Variants in OSBPL5 observed in about 807,000 individuals in gnomAD.
OSBPL5 encodes oxysterol binding protein like 5, also known as oxysterol-binding protein-related protein 5.
OSBPL5 carries 71 observed loss-of-function variants against 111.2 expected under a neutral mutation model. The observed-to-expected ratio is 0.64, with a 90% CI of 0.53 to 0.78. The LOEUF is 0.78. Ranked by LOEUF, OSBPL5 falls within the 30% of genes least tolerant of loss-of-function variation. The pLI is 0.00. For missense variants in OSBPL5, 1,210 were observed against 1,189.3 expected (o/e 1.02, Z -0.26); for synonymous variants, 549 against 513.9 (o/e 1.07, Z -0.93).
intron 12 of OSBPL5, 141 bp downstream of exon 12, chr11:3,102,042 C>T: frequency 1.3e-6 from 1 of 778,356 alleles, no homozygotes; most frequent in Non-Finnish European, 2.1e-6. Context: ...CACAGCCCTT[C>T]CGGTGTGCAG....
chr11:3,109,808 C>T lies in OSBPL5; in HGVS notation c.692-1863G>A, dbSNP rs200603618. 2.3e-3 allele frequency among the ~76,000 whole-genome samples: 346 copies of T among 152,298 alleles called. 1 individual carries two copies. Among genetic ancestry groups the T allele is most frequent in the Non-Finnish European group, 4.2e-3 (287 of 68,012 alleles). ...CTGAACACGTGTGCTTTGTAGCTGC[C>T]ACAAAGGACTAGACATCCTGAATAT... is the stretch of plus-strand genomic sequence containing the variant. On this transcript the variant is annotated intron_variant, in intron 7 of 21. Transcript: ENST00000263650. The surrounding 1 kb of genome is among the most constrained non-coding windows in gnomAD (Gnocchi z 7.4).
At chr11:3,097,965 G>A (rs1017498097) in intron 14 of OSBPL5, among the ~76,000 whole-genome samples, 1 of 152,178 alleles carries the variant, frequency 6.6e-6, no homozygotes, top group African/African-American at 2.4e-5. Flanking sequence ...CTACTCAGGA[G>A]GCTGAGGCAG....
At position 3,126,674 on chromosome 11, in the gene OSBPL5, G is replaced by A. The variant is rs1251550044; in HGVS notation, c.137-119C>T. On this transcript the variant is annotated intron_variant, in intron 2 of 21. Coordinates refer to ENST00000263650, the MANE Select transcript of OSBPL5 (RefSeq NM_020896.4). This position sits in a 1 kb window ranked among gnomAD's most constrained non-coding sequence, Gnocchi z 6.5. ...GCGGATGACCTGGGAGGGGCAGGAA[G>A]TCAGCCGGAGGTGGTGGCAGGAACA... 14 of 762,356 alleles carry A rather than the reference G, an allele frequency of 1.8e-5. No homozygotes were observed. The highest frequency in any genetic ancestry group is 2.7e-5 in the Non-Finnish European group (13 of 487,130). The allele number at this position is 762,356 out of a possible 1,614,324, so 47.2% of individuals were successfully genotyped here. A position where few individuals can be genotyped will look rare whatever the true frequency, so the allele number is the denominator to read the frequency against.
At position 3,092,893 on chromosome 11, in the gene OSBPL5, G is replaced by T. The variant is rs1857112547; in HGVS notation, c.2106C>A (p.Thr702=). 6.4e-7 allele frequency: 1 copy of T among 1,556,668 alleles called. No homozygotes were observed. The highest frequency in any genetic ancestry group is 1.4e-5 in the African/African-American group (1 of 73,910). Residue 702 remains threonine (T), a synonymous_variant, in exon 18 of 22, where the codon ACC becomes ACA. Transcript: ENST00000263650. The surrounding 1 kb of genome is among the most constrained non-coding windows in gnomAD (Gnocchi z 5.4). The part of the protein sequence containing the change: ...KPQLFHLDPI[T]QEWHYRYEDH... The stretch of plus-strand genomic sequence containing the variant: ...CCTCGTATCGGTAGTGCCACTCCTG[G>T]GTGATGGGGTCCAGGTGGAACAGCT...
intron 6 of OSBPL5, 142 bp from the exon 7 acceptor site, chr11:3,119,773 A>G (rs965657968): frequency 7.3e-6 from 5 of 685,436 alleles, no homozygotes; most frequent in Non-Finnish European, 1.2e-5. Context: ...GGGGCCAGGC[A>G]CCTGGCCAGG....
chr11:3,145,090 C>T lies in OSBPL5; in HGVS notation c.-21-15921G>A, dbSNP rs188196075. The stretch of plus-strand genomic sequence containing the variant: ...GGAAGGGGCACTGCGCTCCCCTCAG[C>T]CACAGGAGCCCATCCCTCCCGCTCT... On this transcript the variant is annotated intron_variant, in intron 1 of 21. Coordinates refer to ENST00000263650, the MANE Select transcript of OSBPL5 (RefSeq NM_020896.4). 7.5e-4 allele frequency among the ~76,000 whole-genome samples: 115 copies of T among 152,362 alleles called. 1 individual carries two copies. In the East Asian group the frequency reaches 0.019, roughly 25 times the overall value.
chr11:3,104,888 G>A lies in OSBPL5; in HGVS notation c.1060-511C>T, dbSNP rs550055833. Reference sequence around the variant, plus strand: ...TGATATACAGAAGCCTTCAGATATTGAATGTGGACAACTGGGTGAGTTTGG... The same window carrying A: ...TGATATACAGAAGCCTTCAGATATTAAATGTGGACAACTGGGTGAGTTTGG... On this transcript the variant is annotated intron_variant, in intron 9 of 21. Coordinates refer to ENST00000263650, the MANE Select transcript of OSBPL5 (RefSeq NM_020896.4). The surrounding 1 kb of genome is among the most constrained non-coding windows in gnomAD (Gnocchi z 5.0). Among the ~76,000 whole-genome samples, 3 of 152,320 alleles carry A rather than the reference G, an allele frequency of 2.0e-5. No homozygotes were observed. The highest frequency in any genetic ancestry group is 2.9e-5 in the Non-Finnish European group (2 of 68,022).
intron 1 of OSBPL5, among the ~76,000 whole-genome samples, chr11:3,157,016 C>A (rs948281704): frequency 1.3e-5 from 2 of 152,252 alleles, no homozygotes; most frequent in Non-Finnish European, 1.5e-5. Flanking sequence ...GGCCACTCCT[C>A]GGGGCCCCCA....
At chr11:3,103,756 G>GCTCTGCAGCCCCCTTCCTGC (rs1857558056) in intron 10 of OSBPL5, among the ~76,000 whole-genome samples, 2 of 56,804 alleles carry the variant, frequency 3.5e-5, no homozygotes, top group African/African-American at 6.1e-5. Context: ...CCCTCTTCCA[G>GCTCTGCAGCCCCCTTCCTGC]CTCTGCAGCC....
At chr11:3,118,570 A>AT (rs143316664) in intron 7 of OSBPL5, among the ~76,000 whole-genome samples, 21,640 of 124,042 alleles carry the variant, frequency 0.17, 2,036 homozygotes, top group East Asian at 0.25. Context: ...AAAATAAACT[A>AT]TTTTTTTTTT....
At position 3,105,412 on chromosome 11, in the gene OSBPL5, A is replaced by T. The variant is rs940897365; in HGVS notation, c.1060-1035T>A. 6.6e-6 allele frequency among the ~76,000 whole-genome samples: 1 copy of T among 152,108 alleles called. No individual in the cohort carries two copies. The highest frequency in any genetic ancestry group is 1.5e-5 in the Non-Finnish European group (1 of 67,998). On this transcript the variant is annotated intron_variant, in intron 9 of 21. Coordinates refer to ENST00000263650, the MANE Select transcript of OSBPL5 (RefSeq NM_020896.4). The surrounding 1 kb of genome is among the most constrained non-coding windows in gnomAD (Gnocchi z 5.2). Reference sequence around the variant, plus strand: ...CAGTGTGTGTGGACACCCAGGAGCCATGTCTGACCCCATGAGGGGTCATGG... The same window carrying T: ...CAGTGTGTGTGGACACCCAGGAGCCTTGTCTGACCCCATGAGGGGTCATGG...
chr11:3,111,510 G>A (rs750642379), intron 7 of OSBPL5, among the ~76,000 whole-genome samples: 2 of 152,166 alleles, frequency 1.3e-5, no homozygotes, highest in Admixed American at 6.5e-5. Flanking sequence ...CAGTGATCAC[G>A]TAAGTTGTGC....
chr11:3,131,546 T>TCCAC (rs1192086844), intron 1 of OSBPL5, among the ~76,000 whole-genome samples: 82 of 134,308 alleles, frequency 6.1e-4, no homozygotes, highest in Middle Eastern at 8.6e-3. Flanking sequence ...CATCCATCCA[T>TCCAC]CCACCCACCC....
intron 3 of OSBPL5, among the ~76,000 whole-genome samples, chr11:3,124,090 C>A (rs1858516183): frequency 6.6e-6 from 1 of 152,174 alleles, no homozygotes; most frequent in Non-Finnish European, 1.5e-5. Flanking sequence ...TGGATGTAAG[C>A]ACGTTAGATC....
chr11:3,156,530 T>C (rs1846763148), intron 1 of OSBPL5, among the ~76,000 whole-genome samples: 2 of 152,040 alleles, frequency 1.3e-5, no homozygotes, highest in African/African-American at 4.8e-5. Flanking sequence ...AAACCCAGGA[T>C]GGCGGCTCTG....
chr11:3,158,903 C>A (rs1032892065), intron 1 of OSBPL5, among the ~76,000 whole-genome samples: 4 of 152,130 alleles, frequency 2.6e-5, no homozygotes, highest in Non-Finnish European at 4.4e-5. Context: ...CGGTTCCTGC[C>A]GGGGTGTTGC....
Position 3,107,311 on chromosome 11 carries a change from C to A in OSBPL5, c.1011G>T (p.Val337=). ...SDQSETPGAP[V]RRGTTYVEQV... is the part of the protein sequence containing the mutation. ...GCTCCACATAGGTGGTCCCTCTCCG[C>A]ACCGGGGCCCCAGGGGTCTCTGACT... Residue 337 remains valine (V), a synonymous_variant, in exon 9 of 22, where the codon GTG becomes GTT. Transcript: ENST00000263650. This position sits in a 1 kb window ranked among gnomAD's most constrained non-coding sequence, Gnocchi z 6.1. 4 of 1,613,740 alleles carry A rather than the reference C, an allele frequency of 2.5e-6. No individual in the cohort carries two copies. The highest frequency in any genetic ancestry group is 2.2e-5 in the South Asian group (2 of 91,066).
rs760650496 is a variant in OSBPL5 at position 3,103,360 on chromosome 11, G to T, written c.1245-40C>A. 5 of 1,546,248 alleles carry T rather than the reference G, an allele frequency of 3.2e-6. No individual in the cohort carries two copies. In the African/African-American group the frequency reaches 4.1e-5, roughly 13 times the overall value. ...GAGAACGCTGACCCCAGCTCCGGGG[G>T]CCGTGGGCCACCCTCCCTTTCCCTG... On this transcript the variant is annotated intron_variant, in intron 10 of 21. Coordinates refer to ENST00000263650, the MANE Select transcript of OSBPL5 (RefSeq NM_020896.4).
At chr11:3,102,979 G>C (rs1564828809) in intron 11 of OSBPL5, among the ~76,000 whole-genome samples, 1 of 152,190 alleles carries the variant, frequency 6.6e-6, no homozygotes, top group Admixed American at 6.5e-5. Context: ...GGGGGGTGGG[G>C]AAGGGGTCCA....
Sources: gnomAD v4.1 joint callset for allele counts (sites outside exome capture counted in the v4.1 genomes callset) on GRCh38, gnomAD v4.1.1 for gene constraint, Gnocchi (gnomAD v3.1) non-coding constraint, MANE v1.5 for transcripts, NCBI Gene and HGNC (gene_info 2026-07-23, HGNC 2026-07-21) for gene names.